IQCM: variants seen among roughly 807,000 people sequenced by gnomAD.
The protein encoded by IQCM is IQ domain-containing protein M.
In IQCM, 45 loss-of-function variants were observed where a neutral mutation model predicts 57.6. The observed-to-expected ratio is 0.78, with a 90% confidence interval of 0.62 to 1.00. IQCM has a LOEUF of 1.00. Ranked by LOEUF, IQCM falls within the 50% of genes least tolerant of loss-of-function variation. The probability of loss-of-function intolerance (pLI) is 0.00; values close to 1 mark genes in which losing one functional copy is unlikely to be tolerated. For synonymous variants in IQCM, 148 were observed against 158.9 expected (o/e 0.93, Z 0.51); for missense variants, 468 against 511.6 (o/e 0.91, Z 0.82).
chr4:149,600,943 C>A (rs760065349), intron 8 of IQCM, among the ~76,000 whole-genome samples: 1 of 152,106 alleles, frequency 6.6e-6, no homozygotes, highest in African/African-American at 2.4e-5. Context: ...TTTCTAATAT[C>A]TTTGATTGGG....
chr4:149,785,534 C>T (rs894692755), intron 2 of IQCM, among the ~76,000 whole-genome samples: 3 of 151,906 alleles, frequency 2.0e-5, no homozygotes, highest in East Asian at 3.9e-4. Context: ...ATATAACCAA[C>T]AAAACTGAAG....
At chr4:149,459,615 C>T (rs1261900456) in intron 12 of IQCM, among the ~76,000 whole-genome samples, 2 of 152,162 alleles carry the variant, frequency 1.3e-5, no homozygotes, top group Non-Finnish European at 2.9e-5. Context: ...CCACTCTCTC[C>T]TCCCCCAGCC....
intron 5 of IQCM, among the ~76,000 whole-genome samples, chr4:149,710,386 T>A (rs1256835344): frequency 6.6e-6 from 1 of 152,102 alleles, no homozygotes; most frequent in Non-Finnish European, 1.5e-5. Flanking sequence ...AGAACAATTT[T>A]ATCTAAGAAA....
chr4:149,796,093 AC>A (rs1773087024), intron 2 of IQCM, among the ~76,000 whole-genome samples: 1 of 152,154 alleles, frequency 6.6e-6, no homozygotes. Flanking sequence ...AGGGTAGAGT[AC>A]CAAGTGGGGC....
intron 7 of IQCM, among the ~76,000 whole-genome samples, chr4:149,648,085 T>C (rs750626118): frequency 1.8e-4 from 28 of 152,204 alleles, no homozygotes; most frequent in Non-Finnish European, 4.0e-4. Context: ...TATGTTCCTT[T>C]TTATAATTTC....
chr4:149,665,768 C>A (rs1200561504), intron 7 of IQCM, among the ~76,000 whole-genome samples: 2 of 152,128 alleles, frequency 1.3e-5, no homozygotes, highest in African/African-American at 4.8e-5. Flanking sequence ...TATTGGCAGA[C>A]CCACCCTCAA....
chr4:149,449,192 C>A lies in IQCM; in HGVS notation c.1229-15635G>T, dbSNP rs542927462. Among the ~76,000 whole-genome samples, 310 of 144,916 alleles carry A rather than the reference C, an allele frequency of 2.1e-3. 2 individuals carry two copies. The highest frequency in any genetic ancestry group is 3.4e-3 in the Admixed American group (49 of 14,346). On this transcript the variant is annotated intron_variant, in intron 12 of 13. Coordinates refer to ENST00000636793, the MANE Select transcript of IQCM (RefSeq NM_001363507.2). ...TGTTCCCCCCCAACCCGCCACCCCC[C>A]ACCACAAGGACACCAATTTAACAAG...
intron 6 of IQCM, among the ~76,000 whole-genome samples, chr4:149,685,819 T>A (rs936805534): frequency 1.3e-5 from 2 of 151,518 alleles, no homozygotes; most frequent in Non-Finnish European, 3.0e-5. Flanking sequence ...ATTGTGTATG[T>A]AATTTTAAAG....
intron 8 of IQCM, among the ~76,000 whole-genome samples, chr4:149,590,719 G>T (rs1753075071): frequency 6.6e-6 from 1 of 152,022 alleles, no homozygotes; most frequent in Non-Finnish European, 1.5e-5. Flanking sequence ...TTCTGTTCCT[G>T]TGTTGGTTTG....
intron 5 of IQCM, among the ~76,000 whole-genome samples, chr4:149,704,930 T>G (rs917525611): frequency 6.6e-6 from 1 of 151,660 alleles, no homozygotes. Context: ...TTCATCTTCT[T>G]TTGCCCTTAG....
chr4:149,399,895 GTA>G (rs1280250722), intron 13 of IQCM, among the ~76,000 whole-genome samples: 1 of 152,072 alleles, frequency 6.6e-6, no homozygotes, highest in Non-Finnish European at 1.5e-5. Context: ...TTTTGAGAGA[GTA>G]TATGAAAAGG....
intron 8 of IQCM, among the ~76,000 whole-genome samples, chr4:149,619,895 A>T (rs1756169185): frequency 6.6e-6 from 1 of 152,126 alleles, no homozygotes; most frequent in Non-Finnish European, 1.5e-5. Flanking sequence ...GGTGGCTGAC[A>T]CCTGTAATCC....
At chr4:149,420,166 C>A (rs1231139963) in intron 13 of IQCM, among the ~76,000 whole-genome samples, 1 of 152,006 alleles carries the variant, frequency 6.6e-6, no homozygotes, top group Non-Finnish European at 1.5e-5. Flanking sequence ...GAATATAAAT[C>A]ATTCTATTAT....
Position 149,728,613 on chromosome 4 carries a change from T to A in IQCM, c.385+4631A>T, listed in dbSNP as rs75815580. On this transcript the variant is annotated intron_variant, in intron 5 of 13. Transcript: ENST00000636793. The stretch of plus-strand genomic sequence containing the variant: ...TTGGGAGGAGAACACATAACACTTT[T>A]ATGGGAATCACTTATGTGCATTTTA... Among the ~76,000 whole-genome samples the A allele has an allele frequency of 2.3e-3, 347 of 152,318 alleles. 3 individuals are homozygous for A. Among genetic ancestry groups the A allele is most frequent in the African/African-American group, 8.1e-3 (335 of 41,574 alleles).
intron 2 of IQCM, among the ~76,000 whole-genome samples, chr4:149,809,854 T>C (rs1341089139): frequency 6.6e-6 from 1 of 152,184 alleles, no homozygotes; most frequent in Non-Finnish European, 1.5e-5. Flanking sequence ...CAGAAATCTT[T>C]CAATCCTATT....
chr4:149,555,004 T>C (rs921521010), intron 10 of IQCM, among the ~76,000 whole-genome samples: 1 of 152,210 alleles, frequency 6.6e-6, no homozygotes, highest in African/African-American at 2.4e-5. Flanking sequence ...CGGCCCATAT[T>C]ACACATTATT....
intron 3 of IQCM, among the ~76,000 whole-genome samples, chr4:149,737,153 C>T (rs955867198): frequency 1.3e-5 from 2 of 152,078 alleles, no homozygotes; most frequent in African/African-American, 2.4e-5. Flanking sequence ...GTGGAAAAAA[C>T]AAAACAGTTA....
chr4:149,784,132 A>G (rs1281902942), intron 2 of IQCM, among the ~76,000 whole-genome samples: 1 of 152,170 alleles, frequency 6.6e-6, no homozygotes, highest in Non-Finnish European at 1.5e-5. Context: ...AGCAATAGAA[A>G]ACTAATATTT....
At chr4:149,600,978 C>A (rs1754224328) in intron 8 of IQCM, among the ~76,000 whole-genome samples, 1 of 152,096 alleles carries the variant, frequency 6.6e-6, no homozygotes, top group South Asian at 2.1e-4. Flanking sequence ...TCAACTTTCA[C>A]AGAGAAATGG....
Sources: gnomAD v4.1 joint callset for allele counts (sites outside exome capture counted in the v4.1 genomes callset) on GRCh38, gnomAD v4.1.1 for gene constraint, MANE v1.5 for transcripts, NCBI Gene and HGNC (gene_info 2026-07-23, HGNC 2026-07-21) for gene names.